The following IMMP2L variants were observed in gnomAD, a reference collection of about 807,000 sequenced individuals.
IMMP2L encodes the protein inner mitochondrial membrane peptidase subunit 2.
Under a neutral mutation model 19.3 loss-of-function variants are expected in IMMP2L, and 18 were observed. The ratio of observed to expected loss-of-function variants is 0.93; its 90% CI spans 0.64 to 1.38. The LOEUF (loss-of-function observed/expected upper bound fraction) is 1.38, where lower values mean the gene tolerates loss of function less well. IMMP2L is among the 40% of genes most tolerant of loss of function. The probability of loss-of-function intolerance (pLI) is 0.00; values close to 1 mark genes in which losing one functional copy is unlikely to be tolerated. For synonymous variants in IMMP2L, 76 were observed against 73.0 expected (o/e 1.04, Z -0.21); for missense variants, 233 against 218.2 (o/e 1.07, Z -0.43).
At chr7:111,543,666 C>T (rs766809172) in intron 1 of IMMP2L, among the ~76,000 whole-genome samples, 1 of 152,252 alleles carries the variant, frequency 6.6e-6, no homozygotes, top group South Asian at 2.1e-4. Flanking sequence ...CCAATCACAT[C>T]TTTGTTAAAA....
chr7:111,498,118 C>T (rs1477135972), intron 2 of IMMP2L, among the ~76,000 whole-genome samples: 2 of 151,906 alleles, frequency 1.3e-5, no homozygotes, highest in Non-Finnish European at 2.9e-5. Flanking sequence ...TAAACAAGCT[C>T]TTCAGTATTT....
At chr7:111,272,273 C>T (rs1818546683) in intron 3 of IMMP2L, among the ~76,000 whole-genome samples, 1 of 152,122 alleles carries the variant, frequency 6.6e-6, no homozygotes, top group African/African-American at 2.4e-5. Flanking sequence ...TCCCTCAGGG[C>T]TTTTGCTCAT....
At chr7:111,495,584 A>G (rs1474082806) in intron 2 of IMMP2L, among the ~76,000 whole-genome samples, 2 of 152,166 alleles carry the variant, frequency 1.3e-5, no homozygotes, top group African/African-American at 4.8e-5. Context: ...AAATCATATG[A>G]CAGGTTTGGA....
At chr7:111,016,739 ATT>A (rs1336997411) in intron 3 of IMMP2L, among the ~76,000 whole-genome samples, 2 of 97,586 alleles carry the variant, frequency 2.0e-5, no homozygotes, top group African/African-American at 4.3e-5. Context: ...AAATATATAT[ATT>A]ATATATATTA....
intron 3 of IMMP2L, among the ~76,000 whole-genome samples, chr7:111,041,522 CTT>C (rs900465319): frequency 2.1e-4 from 32 of 151,412 alleles, no homozygotes; most frequent in African/African-American, 7.8e-4. Context: ...AAGTTAAACT[CTT>C]TTTGATATTC....
At chr7:111,036,776 G>C (rs1252457675) in intron 3 of IMMP2L, among the ~76,000 whole-genome samples, 1 of 152,048 alleles carries the variant, frequency 6.6e-6, no homozygotes, top group African/African-American at 2.4e-5. Flanking sequence ...TAACTTTATA[G>C]TTTCTGAGTT....
At chr7:110,937,203 G>A (rs921125964) in intron 4 of IMMP2L, among the ~76,000 whole-genome samples, 2 of 151,992 alleles carry the variant, frequency 1.3e-5, no homozygotes, top group African/African-American at 4.8e-5. Flanking sequence ...AAGTATAATA[G>A]AAAAAGAAAA....
chr7:111,554,101 G>C (rs1436049201), intron 1 of IMMP2L, among the ~76,000 whole-genome samples: 2 of 152,032 alleles, frequency 1.3e-5, no homozygotes, highest in Non-Finnish European at 2.9e-5. Flanking sequence ...CCATGTTTTA[G>C]CCCAGTGGTT....
chr7:111,093,400 C>G (rs527639517), intron 3 of IMMP2L, among the ~76,000 whole-genome samples: 1 of 152,136 alleles, frequency 6.6e-6, no homozygotes, highest in Non-Finnish European at 1.5e-5. Flanking sequence ...GAGGTACCTC[C>G]TAAGTTCCTA....
intron 3 of IMMP2L, among the ~76,000 whole-genome samples, chr7:111,260,175 C>T (rs1174633526): frequency 1.3e-5 from 2 of 152,250 alleles, no homozygotes; most frequent in East Asian, 1.9e-4. Context: ...TCAAGGATTA[C>T]GTAATGTACA....
chr7:111,481,581 C>G (rs1195920954), intron 3 of IMMP2L, among the ~76,000 whole-genome samples: 1 of 151,552 alleles, frequency 6.6e-6, no homozygotes, highest in African/African-American at 2.4e-5. Flanking sequence ...AGTCAATAAA[C>G]ACTTTAAAAA....
intron 3 of IMMP2L, among the ~76,000 whole-genome samples, chr7:111,013,780 GT>G (rs1825215946): frequency 6.6e-6 from 1 of 151,734 alleles, no homozygotes; most frequent in Admixed American, 6.6e-5. Context: ...TATTCGTTTA[GT>G]TTATCTGTGG....
Position 110,870,275 on chromosome 7 carries a change from G to A in IMMP2L, c.408+16318C>T, listed in dbSNP as rs1399662932. Reference sequence around the variant, plus strand: ...TCTCTTTTTTCCAAAGATGTCAGATGTCCTTCTTGTATACTTTCCACTGAC... The same window carrying A: ...TCTCTTTTTTCCAAAGATGTCAGATATCCTTCTTGTATACTTTCCACTGAC... On this transcript the variant is annotated intron_variant, in intron 5 of 5. Coordinates refer to ENST00000405709, the MANE Select transcript of IMMP2L (RefSeq NM_032549.4). The surrounding 1 kb of genome is among the most constrained non-coding windows in gnomAD (Gnocchi z 4.2). 6.6e-6 allele frequency among the ~76,000 whole-genome samples: 1 copy of A among 152,034 alleles called. No individual in the cohort carries two copies. The highest frequency in any genetic ancestry group is 1.5e-5 in the Non-Finnish European group (1 of 67,994).
In IMMP2L at chr7:111,006,996, C is replaced by T. The variant is rs1170197220; in HGVS notation, c.240-43431G>A. ...TCCCTCCTCCCATTTTCTCTTGAACCTACTTGTATTAGTCAGTTTTCACTC... is the reference window on the plus strand; with the variant it reads ...TCCCTCCTCCCATTTTCTCTTGAACTTACTTGTATTAGTCAGTTTTCACTC... On this transcript the variant is annotated intron_variant, in intron 3 of 5. Transcript: ENST00000405709. Among the ~76,000 whole-genome samples the T allele has an allele frequency of 2.0e-5, 3 of 152,028 alleles. No homozygotes were observed. The East Asian group carries it at 5.8e-4, about 29-fold the overall frequency.
chr7:110,929,321 A>G (rs1372526684), intron 4 of IMMP2L, among the ~76,000 whole-genome samples: 1 of 152,176 alleles, frequency 6.6e-6, no homozygotes, highest in Non-Finnish European at 1.5e-5. Context: ...ATCAACAAAC[A>G]TAGTACACAG....
chr7:111,124,637 A>C (rs762938698), intron 3 of IMMP2L: 7 of 1,613,902 alleles, frequency 4.3e-6, no homozygotes, highest in African/African-American at 1.3e-5. Flanking sequence ...AAAGAGTATG[A>C]AAAGAATAAT....
chr7:110,997,300 A>T (rs1823139707), intron 3 of IMMP2L, among the ~76,000 whole-genome samples: 1 of 152,098 alleles, frequency 6.6e-6, no homozygotes, highest in African/African-American at 2.4e-5. Flanking sequence ...TCACCTGTTG[A>T]AGGATATTTG....
At chr7:110,730,615 C>T (rs879936096) in intron 5 of IMMP2L, among the ~76,000 whole-genome samples, 11 of 151,972 alleles carry the variant, frequency 7.2e-5, no homozygotes, top group African/African-American at 2.7e-4. Flanking sequence ...AGCTCCGCCT[C>T]CCGGGTTCAG....
chr7:110,994,489 G>A (rs1032040277), intron 3 of IMMP2L, among the ~76,000 whole-genome samples: 9 of 152,088 alleles, frequency 5.9e-5, no homozygotes, highest in African/African-American at 2.2e-4. Context: ...CACTTCTAGA[G>A]CATGCCTTTA....
Sources: gnomAD v4.1 joint callset for allele counts (sites outside exome capture counted in the v4.1 genomes callset) on GRCh38, gnomAD v4.1.1 for gene constraint, Gnocchi (gnomAD v3.1) non-coding constraint, MANE v1.5 for transcripts, NCBI Gene and HGNC (gene_info 2026-07-23, HGNC 2026-07-21) for gene names.